Variants in CPB2 observed in about 807,000 individuals in gnomAD.
CPB2 encodes the protein carboxypeptidase B-like protein.
Under a neutral mutation model 57.0 loss-of-function variants are expected in CPB2, and 54 were observed. That is an observed-to-expected ratio of 0.95 (90% CI 0.76 to 1.19). The LOEUF (loss-of-function observed/expected upper bound fraction) is 1.19. CPB2 is among the 50% of genes most tolerant of loss of function. CPB2 has a pLI of 0.00. For missense variants in CPB2, 426 were observed against 512.0 expected, an observed-to-expected ratio of 0.83 and a Z score of 1.62; for synonymous variants, 189 against 178.1, an observed-to-expected ratio of 1.06 and a Z score of -0.49.
chr13:46,055,259 T>A (rs1163677845), intron 10 of CPB2, among the ~76,000 whole-genome samples: 1 of 152,148 alleles, frequency 6.6e-6, no homozygotes, highest in African/African-American at 2.4e-5. Context: ...TCAGCAAAAA[T>A]TAATCAAAAC....
intron 1 of CPB2, chr13:46,095,012 C>A (rs1476593006): frequency 2.6e-5 from 4 of 152,136 alleles, no homozygotes; most frequent in African/African-American, 9.7e-5. Context: ...GGTAAGTCTG[C>A]ACCCTGGGGA....
rs1427987179 is a variant in CPB2 at position 46,078,845 on chromosome 13, G to T, written c.441C>A (p.Ile147=). The T allele has an allele frequency of 1.9e-6, 3 of 1,612,380 alleles. No individual in the cohort carries two copies. Among genetic ancestry groups the T allele is most frequent in the East Asian group, 4.5e-5 (2 of 44,860 alleles). Residue 147 remains isoleucine, a synonymous_variant, in exon 5 of 11, where the codon ATC becomes ATA. Transcript: ENST00000181383. ...TERHPDMLTK[I]HIGSSFEKYP... ...ACTTCTCAAATGAGGATCCAATGTG[G>T]ATTTTTGTAAGCATATCAGGATGCC...
At chr13:46,076,133 G>A (rs2045018596) in intron 5 of CPB2, among the ~76,000 whole-genome samples, 1 of 152,100 alleles carries the variant, frequency 6.6e-6, no homozygotes, top group Admixed American at 6.5e-5. Context: ...AGCTGTACCA[G>A]GAAGTACTAA....
chr13:46,069,951 A>G (rs767221005), intron 6 of CPB2, among the ~76,000 whole-genome samples: 102 of 152,350 alleles, frequency 6.7e-4, no homozygotes, highest in Non-Finnish European at 9.7e-4. Context: ...CGACAAATAA[A>G]TATTTGTTGA....
At chr13:46,071,955 T>C (rs2044949070) in intron 6 of CPB2, among the ~76,000 whole-genome samples, 1 of 152,154 alleles carries the variant, frequency 6.6e-6, no homozygotes, top group African/African-American at 2.4e-5. Context: ...GAAAAGCCAT[T>C]TGGCAGAAAA....
chr13:46,072,707 C>T (rs115159254), intron 6 of CPB2, among the ~76,000 whole-genome samples: 1,765 of 152,128 alleles, frequency 0.012, 37 homozygotes, highest in African/African-American at 0.04. Context: ...ACAACCTCAC[C>T]GATATAAATT....
intron 8 of CPB2, 90 bp from the exon 9 acceptor site, chr13:46,058,471 G>T: frequency 9.5e-7 from 1 of 1,054,748 alleles, no homozygotes. Flanking sequence ...TCCTACCTAT[G>T]TTGCAACACT....
chr13:46,082,140 T>A (rs1233523099), intron 4 of CPB2, among the ~76,000 whole-genome samples: 1 of 152,184 alleles, frequency 6.6e-6, no homozygotes, highest in African/African-American at 2.4e-5. Flanking sequence ...TTGGTGGCAG[T>A]TTTAATTAAA....
At chr13:46,063,838 C>T (rs924868165) in intron 8 of CPB2, among the ~76,000 whole-genome samples, 2 of 151,898 alleles carry the variant, frequency 1.3e-5, no homozygotes, top group African/African-American at 4.8e-5. Flanking sequence ...TCCCACTGTG[C>T]TGCTTTTTAT....
At chr13:46,095,718 C>A (rs1485426518) in intron 1 of CPB2, among the ~76,000 whole-genome samples, 2 of 152,024 alleles carry the variant, frequency 1.3e-5, no homozygotes, top group African/African-American at 2.4e-5. Flanking sequence ...TGATATAAGC[C>A]CCCAGCTACT....
chr13:46,081,608 C>G (rs183603499), intron 4 of CPB2, among the ~76,000 whole-genome samples: 3 of 152,278 alleles, frequency 2.0e-5, no homozygotes, highest in Admixed American at 1.3e-4. Flanking sequence ...AAAATTGATT[C>G]TCATTACCTA....
chr13:46,099,439 A>T (rs540104027), intron 1 of CPB2: 7 of 152,326 alleles, frequency 4.6e-5, no homozygotes, highest in African/African-American at 1.7e-4. Flanking sequence ...TGTAAAGTAT[A>T]GAGAAGTGGA....
At chr13:46,086,402 G>A (rs978996730) in intron 2 of CPB2, among the ~76,000 whole-genome samples, 1 of 152,114 alleles carries the variant, frequency 6.6e-6, no homozygotes, top group Non-Finnish European at 1.5e-5. Context: ...CTCGCGGTGG[G>A]TAGCTCCTCT....
intron 7 of CPB2, 27 bp from the exon 8 acceptor site, chr13:46,064,768 A>G: frequency 2.5e-6 from 4 of 1,593,392 alleles, no homozygotes; most frequent in South Asian, 1.1e-5. Flanking sequence ...CAAACAGACA[A>G]CCTGGGTAGC....
intron 4 of CPB2, among the ~76,000 whole-genome samples, chr13:46,079,551 A>AAAGAAAAAAAAAAAAAAAAAAAAAAAAAG (rs56271507): frequency 1.6e-5 from 2 of 124,706 alleles, no homozygotes; most frequent in African/African-American, 3.4e-5. Flanking sequence ...AAAAAAAAAA[A>AAAGAAAAAAAAAAAAAAAAAAAAAAAAAG]AAAAGAAAAG....
intron 8 of CPB2, among the ~76,000 whole-genome samples, chr13:46,060,960 C>T (rs74073007): frequency 0.028 from 4,225 of 152,150 alleles, 109 homozygotes; most frequent in African/African-American, 0.062. Context: ...ACCAAGCACA[C>T]TGTGAAATAT....
chr13:46,099,219 A>G (rs2045404029), intron 1 of CPB2: 1 of 152,204 alleles, frequency 6.6e-6, no homozygotes, highest in South Asian at 2.1e-4. Flanking sequence ...ATCAGAGCTC[A>G]AGGAAGGAGA....
chr13:46,055,951 A>G, intron 9 of CPB2, 102 bp from the exon 10 acceptor site: 3 of 604,734 alleles, frequency 5.0e-6, no homozygotes, highest in Non-Finnish European at 8.3e-6. Context: ...ATCAAAGTAT[A>G]CAGGTAGAAA....
rs781479666 is a variant in CPB2 at position 46,053,245 on chromosome 13, G to T, written c.*369C>A. On this transcript the variant is annotated 3_prime_UTR_variant, in exon 11 of 11. Transcript: ENST00000181383. The stretch of plus-strand genomic sequence containing the variant: ...AAAATTTGGAGCAGAAATCTTTAAT[G>T]TACTTCTGACCACCCTTCCTTTTGT... The T allele has an allele frequency of 5.9e-6, 1 of 168,572 alleles. No homozygotes were observed. Among genetic ancestry groups the T allele is most frequent in the Non-Finnish European group, 1.3e-5 (1 of 79,030 alleles). 10.4% of individuals were successfully genotyped at this position (168,572 alleles called of 1,614,324 possible). A position where few individuals can be genotyped will look rare whatever the true frequency, so the allele number is the denominator to read the frequency against.
Sources: allele counts gnomAD v4.1 joint callset (sites outside exome capture counted in the v4.1 genomes callset), GRCh38; gene constraint gnomAD v4.1.1; transcripts MANE v1.5; gene names NCBI Gene and HGNC (gene_info 2026-07-23, HGNC 2026-07-21).